The following WDR11 variants were observed in gnomAD, a reference collection of about 807,000 sequenced individuals.
WDR11 encodes WD repeat-containing protein 11.
Under a neutral mutation model 151.2 loss-of-function variants are expected in WDR11, and 83 were observed. The observed-to-expected ratio is 0.55, with a 90% CI of 0.46 to 0.66. The LOEUF (loss-of-function observed/expected upper bound fraction) is 0.66. Ranked by LOEUF, WDR11 falls within the 30% of genes least tolerant of loss-of-function variation. WDR11 has a pLI of 0.00. For missense variants in WDR11, 1,301 were observed against 1,480.9 expected (o/e 0.88, Z 1.99); for synonymous variants, 484 against 533.1 (o/e 0.91, Z 1.27).
At chr10:120,857,383 A>G (rs11199602) in intron 2 of WDR11, among the ~76,000 whole-genome samples, 1 of 152,038 alleles carries the variant, frequency 6.6e-6, no homozygotes, top group Non-Finnish European at 1.5e-5. Flanking sequence ...GTTGCAAATT[A>G]TAGTGAGTAG....
intron 13 of WDR11, among the ~76,000 whole-genome samples, chr10:120,882,291 ATATAT>A (rs1241810083): frequency 6.6e-6 from 1 of 152,040 alleles, no homozygotes; most frequent in Admixed American, 6.5e-5. Flanking sequence ...GAGTTTTATG[ATATAT>A]TATTAAGAGT....
chr10:120,864,979 A>C, intron 5 of WDR11, 68 bp from the exon 6 acceptor site: 14 of 1,557,034 alleles, frequency 9.0e-6, no homozygotes, highest in Non-Finnish European at 1.2e-5. Flanking sequence ...TAAAGTACAA[A>C]ATTAAATCTT....
Position 120,851,550 on chromosome 10 carries a change from G to T in WDR11, c.86+44G>T. Reference sequence around the variant, plus strand: ...CAGGTCGCCAGGATCGGCCAGGAATGTGTGAGGGGGAAGGGGGAAGGACAA... The same window carrying T: ...CAGGTCGCCAGGATCGGCCAGGAATTTGTGAGGGGGAAGGGGGAAGGACAA... On this transcript the variant is annotated intron_variant, in intron 1 of 28. Coordinates refer to ENST00000263461, the MANE Select transcript of WDR11 (RefSeq NM_018117.12). The T allele has an allele frequency of 1.9e-6, 3 of 1,589,954 alleles. No individual in the cohort carries two copies. The Admixed American group carries it at 5.4e-5, about 28-fold the overall frequency.
At chr10:120,902,372 T>C (rs1847862042) in intron 22 of WDR11, 50 bp downstream of exon 22, 1 of 1,529,536 alleles carries the variant, frequency 6.5e-7, no homozygotes, top group Non-Finnish European at 9.0e-7. Context: ...TCAAGTTAAC[T>C]CATTTCTTTT....
At chr10:120,905,282 G>A in intron 25 of WDR11, 37 bp from the exon 26 acceptor site, 1 of 1,597,612 alleles carries the variant, frequency 6.3e-7, no homozygotes, top group South Asian at 1.1e-5. Flanking sequence ...AGAAGGAGCT[G>A]CAGTGTCACT....
intron 21 of WDR11, among the ~76,000 whole-genome samples, chr10:120,901,713 ATTAG>A (rs989527832): frequency 6.6e-6 from 1 of 152,252 alleles, no homozygotes; most frequent in African/African-American, 2.4e-5. Flanking sequence ...ATTCAAAATA[ATTAG>A]TTTTTTCTAT....
rs1014727825 is a variant in WDR11, at chr10:120,909,510, TAAA to T, written c.*800_*802del. The T allele has an allele frequency of 6.6e-6, 1 of 152,596 alleles. No homozygotes were observed. Among genetic ancestry groups the T allele is most frequent in the Admixed American group, 6.5e-5 (1 of 15,268 alleles). 9.5% of individuals were successfully genotyped at this position (152,596 alleles called of 1,614,324 possible). A position where few individuals can be genotyped will look rare whatever the true frequency, so the allele number is the denominator to read the frequency against. ...TAACTTACAAACATGATAAATAAAT[TAAA>T]AATTCCATCCAGGCCTTTGTGTTCT... On this transcript the variant is annotated 3_prime_UTR_variant, in exon 29 of 29. Coordinates refer to ENST00000263461, the MANE Select transcript of WDR11 (RefSeq NM_018117.12).
chr10:120,886,307 G>T (rs1215358823), intron 15 of WDR11, among the ~76,000 whole-genome samples: 1 of 151,972 alleles, frequency 6.6e-6, no homozygotes, highest in Non-Finnish European at 1.5e-5. Context: ...AAAATGTGTT[G>T]GGAATCCTAA....
chr10:120,860,793 T>C (rs1846111314), intron 4 of WDR11, among the ~76,000 whole-genome samples: 2 of 152,368 alleles, frequency 1.3e-5, no homozygotes, highest in African/African-American at 2.4e-5. Flanking sequence ...TTTCCTGAGC[T>C]AATGATCTAA....
At position 120,903,210 on chromosome 10, in the gene WDR11, T is replaced by C; in HGVS notation, c.2909T>C (p.Leu970Pro). Residue 970 changes from leucine (L) to proline (P), a missense_variant, in exon 23 of 29, where the codon CTC (leucine) becomes CCC (proline). Transcript: ENST00000263461. ...SNPLDICYDV[L>P]CENAYFQKFQ... ...CCACTGGATATATGCTATGACGTGCTCTGTGAAAATGCCTACTTTCAGGTA... is the reference window on the plus strand; with the variant it reads ...CCACTGGATATATGCTATGACGTGCCCTGTGAAAATGCCTACTTTCAGGTA... 6.2e-7 allele frequency: 1 copy of C among 1,614,212 alleles called. No individual in the cohort carries two copies. Among genetic ancestry groups the C allele is most frequent in the Non-Finnish European group, 8.5e-7 (1 of 1,180,026 alleles).
intron 16 of WDR11, 68 bp downstream of exon 16, chr10:120,886,904 G>A (rs2133786876): frequency 1.3e-6 from 2 of 1,562,642 alleles, no homozygotes; most frequent in Non-Finnish European, 1.8e-6. Context: ...TCCAGTGAAG[G>A]CATAGTTAAG....
rs60137963 is a variant in WDR11, at chr10:120,909,288, G to A, written c.*575G>A. The A allele has an allele frequency of 0.025, 3,914 of 154,486 alleles. 196 individuals carry two copies. The highest frequency in any genetic ancestry group is 0.092 in the African/African-American group (3,740 of 40,754). 9.6% of individuals were successfully genotyped at this position (154,486 alleles called of 1,614,324 possible). ...AAGTTTTGTAATTTTAGGCTCAGAGGACCATAGGAGGTTTTAAGATTTATG... is the reference window on the plus strand; with the variant it reads ...AAGTTTTGTAATTTTAGGCTCAGAGAACCATAGGAGGTTTTAAGATTTATG... On this transcript the variant is annotated 3_prime_UTR_variant, in exon 29 of 29. Coordinates refer to ENST00000263461, the MANE Select transcript of WDR11 (RefSeq NM_018117.12).
rs146463603 is a variant in WDR11 at position 120,862,835 on chromosome 10, C to T, written c.627C>T (p.Ser209=). The change falls in exon 5 of 29, where the codon AGC becomes AGT. Residue 209 remains serine, a synonymous_variant. Coordinates refer to ENST00000263461, the MANE Select transcript of WDR11 (RefSeq NM_018117.12). ...KKVYISSPHS[S]PAHNKLATAT... ...TTTACATATCCAGCCCACACTCTAG[C>T]CCAGCTCATAACAAGCTGGCCACAG... The T allele has an allele frequency of 3.7e-6, 6 of 1,613,904 alleles. No homozygotes were observed. In the African/African-American group the frequency reaches 8.0e-5, roughly 22 times the overall value.
At chr10:120,881,601 A>T (rs1489717633) in intron 13 of WDR11, among the ~76,000 whole-genome samples, 1 of 151,956 alleles carries the variant, frequency 6.6e-6, no homozygotes, top group East Asian at 1.9e-4. Flanking sequence ...CTTACATATT[A>T]TTTGTTTATT....
Position 120,862,901 on chromosome 10 carries a change from A to T in WDR11, c.693A>T (p.Leu231Phe). The change falls in exon 5 of 29, where the codon TTA (leucine) becomes TTT (phenylalanine). Residue 231 changes from leucine to phenylalanine, a missense_variant. Leu to Phe is a conservative substitution (Grantham distance 22). Coordinates refer to ENST00000263461, the MANE Select transcript of WDR11 (RefSeq NM_018117.12). ...AAGCTCTAAATAAAGTAAAAATTTT[A>T]ATCACTCAAGAGAAACCTAGGTAAG... ...AKKALNKVKI[L>F]ITQEKPSAEF... 2 of 1,612,982 alleles carry T rather than the reference A, an allele frequency of 1.2e-6. No individual in the cohort carries two copies. The highest frequency in any genetic ancestry group is 3.3e-4 in the Middle Eastern group (2 of 6,056).
Position 120,867,174 on chromosome 10 carries a change from GC to G in WDR11, c.1294+6del. 2 of 1,602,826 alleles carry G rather than the reference GC, an allele frequency of 1.2e-6. No individual in the cohort carries two copies. Among genetic ancestry groups the G allele is most frequent in the Non-Finnish European group, 1.7e-6 (2 of 1,169,972 alleles). On this transcript the variant is annotated splice_donor_region_variant and intron_variant, in intron 9 of 28. Coordinates refer to ENST00000263461, the MANE Select transcript of WDR11 (RefSeq NM_018117.12). ...TTTCCTTAGATAACATGATTGGTAA[GC>G]TTTTTTCCCCTCTAACTCCATGTTA... is the stretch of plus-strand genomic sequence containing the variant.
At chr10:120,890,119 G>A (rs554736350) in intron 18 of WDR11, 110 bp downstream of exon 18, 17 of 743,932 alleles carry the variant, frequency 2.3e-5, no homozygotes, top group East Asian at 8.2e-5. Context: ...TAATGAGTTC[G>A]TCAAGTTTCC....
At chr10:120,857,043 C>T (rs1845971342) in intron 2 of WDR11, among the ~76,000 whole-genome samples, 1 of 151,998 alleles carries the variant, frequency 6.6e-6, no homozygotes, top group Non-Finnish European at 1.5e-5. Flanking sequence ...ACATTGAACT[C>T]ATAGCCAACA....
At chr10:120,863,662 C>T (rs776602702) in intron 5 of WDR11, among the ~76,000 whole-genome samples, 1 of 152,034 alleles carries the variant, frequency 6.6e-6, no homozygotes, top group East Asian at 1.9e-4. Flanking sequence ...TATATTATTG[C>T]TTTGGCAGGC....
Sources: allele counts gnomAD v4.1 joint callset (sites outside exome capture counted in the v4.1 genomes callset), GRCh38; gene constraint gnomAD v4.1.1; transcripts MANE v1.5; gene names NCBI Gene and HGNC (gene_info 2026-07-23, HGNC 2026-07-21).